CWC27: variants seen among roughly 807,000 people sequenced by gnomAD.
The protein encoded by CWC27 is CWC27 spliceosome associated cyclophilin.
CWC27 carries 47 observed loss-of-function variants against 63.6 expected under a neutral mutation model. The observed-to-expected ratio is 0.74, with a 90% CI of 0.58 to 0.94. CWC27 has a LOEUF of 0.94. Among genes scored for constraint, CWC27 ranks in the 40% least tolerant of loss-of-function variants. The pLI is 0.00. For missense variants in CWC27, 495 were observed against 554.3 expected (o/e 0.89, Z 1.07); for synonymous variants, 175 against 179.8 (o/e 0.97, Z 0.22).
At chr5:64,864,303 A>G (rs185504040) in intron 10 of CWC27, among the ~76,000 whole-genome samples, 32 of 152,282 alleles carry the variant, frequency 2.1e-4, no homozygotes, top group Admixed American at 1.9e-3. Flanking sequence ...ATATTTCAAG[A>G]TTTAGAGTCC....
chr5:64,793,076 CT>C (rs1205058231), intron 7 of CWC27, among the ~76,000 whole-genome samples: 3 of 152,084 alleles, frequency 2.0e-5, no homozygotes. Context: ...TATGTAGAAT[CT>C]TATGCCCTTA....
chr5:64,769,278 G>A, intron 1 of CWC27, 90 bp downstream of exon 1: 3 of 1,146,562 alleles, frequency 2.6e-6, no homozygotes, highest in South Asian at 1.2e-5. Context: ...TCAGGATCTC[G>A]TGGTAGGAAG....
At position 64,880,854 on chromosome 5, in the gene CWC27, AT is replaced by A. The variant is rs35152901; in HGVS notation, c.939-4569del. ...GAGTTAGTAACAGTTTATAAAAGCC[AT>A]TTTTTTTTTTTTTTTTTTTACCATT... On this transcript the variant is annotated intron_variant, in intron 10 of 13. Transcript: ENST00000381070. 3.2e-3 allele frequency among the ~76,000 whole-genome samples: 435 copies of A among 136,008 alleles called. 1 individual carries two copies. The highest frequency in any genetic ancestry group is 5.5e-3 in the African/African-American group (205 of 37,002). 89.2% of individuals were successfully genotyped at this position (136,008 alleles called of 152,430 possible).
At chr5:64,922,904 C>T (rs1447674936) in intron 11 of CWC27, among the ~76,000 whole-genome samples, 1 of 152,212 alleles carries the variant, frequency 6.6e-6, no homozygotes, top group Non-Finnish European at 1.5e-5. Flanking sequence ...CAGCTTCACA[C>T]TCCTGGGCTG....
intron 1 of CWC27, among the ~76,000 whole-genome samples, chr5:64,769,932 A>G (rs938103937): frequency 1.6e-4 from 24 of 152,224 alleles, no homozygotes; most frequent in African/African-American, 5.3e-4. Context: ...ATGCTGTACA[A>G]GGCAGAAGAG....
rs111467759 is a variant in CWC27, at chr5:64,787,029, G to A, written c.599+402G>A. Among the ~76,000 whole-genome samples the A allele has an allele frequency of 1.3e-3, 193 of 152,236 alleles. 1 individual carries two copies. The highest frequency in any genetic ancestry group is 4.5e-3 in the African/African-American group (188 of 41,550). On this transcript the variant is annotated intron_variant, in intron 6 of 13. Coordinates refer to ENST00000381070, the MANE Select transcript of CWC27 (RefSeq NM_005869.4). ...CAGCAGGGGAGAGAGCGAGTGGGAA[G>A]GAGGAACTGTCAAACACTTATAAAA... is the stretch of plus-strand genomic sequence containing the variant.
chr5:64,805,457 C>T (rs534877084), intron 10 of CWC27, among the ~76,000 whole-genome samples: 5 of 151,846 alleles, frequency 3.3e-5, no homozygotes, highest in African/African-American at 1.2e-4. Context: ...AAAAACCTCT[C>T]ATTCACACTG....
chr5:64,887,349 A>G lies in CWC27; in HGVS notation c.1042+1803A>G, dbSNP rs114305158. Among the ~76,000 whole-genome samples, 1,303 of 151,776 alleles carry G rather than the reference A, an allele frequency of 8.6e-3. 17 individuals carry two copies. Among genetic ancestry groups the G allele is most frequent in the Middle Eastern group, 0.031 (9 of 294 alleles). ...AAGATTCTTAACAGAGCTCATTTCA[A>G]TCTGCTTTTATTTATTTATTTATTT... On this transcript the variant is annotated intron_variant, in intron 11 of 13. Coordinates refer to ENST00000381070, the MANE Select transcript of CWC27 (RefSeq NM_005869.4).
At chr5:64,925,916 T>C (rs1748101940) in intron 11 of CWC27, among the ~76,000 whole-genome samples, 2 of 152,200 alleles carry the variant, frequency 1.3e-5, no homozygotes, top group African/African-American at 2.4e-5. Flanking sequence ...TTTTTGCTTA[T>C]GGGATTTTTG....
chr5:64,798,187 T>G (rs912033665), intron 7 of CWC27, among the ~76,000 whole-genome samples: 2 of 152,178 alleles, frequency 1.3e-5, no homozygotes, highest in Admixed American at 1.3e-4. Flanking sequence ...ATAATCTCAT[T>G]TAATTCTCTT....
chr5:65,001,451 A>G (rs917264937), intron 13 of CWC27, among the ~76,000 whole-genome samples: 1 of 152,038 alleles, frequency 6.6e-6, no homozygotes, highest in African/African-American at 2.4e-5. Flanking sequence ...GTCAGCTGTG[A>G]GCTTGTCACA....
intron 11 of CWC27, among the ~76,000 whole-genome samples, chr5:64,965,899 T>C (rs1386028791): frequency 6.6e-6 from 1 of 152,208 alleles, no homozygotes; most frequent in Admixed American, 6.5e-5. Flanking sequence ...GAATGACTAA[T>C]GCTACAATAT....
chr5:64,931,796 C>A (rs1267871472), intron 11 of CWC27, among the ~76,000 whole-genome samples: 1 of 151,936 alleles, frequency 6.6e-6, no homozygotes, highest in Non-Finnish European at 1.5e-5. Context: ...TCCAATTACA[C>A]CTTGTTTTTT....
intron 11 of CWC27, among the ~76,000 whole-genome samples, chr5:64,964,809 A>G (rs913350589): frequency 1.3e-5 from 2 of 152,204 alleles, no homozygotes; most frequent in Non-Finnish European, 2.9e-5. Flanking sequence ...GTGTAATTCA[A>G]TTGTTTCTCA....
intron 11 of CWC27, among the ~76,000 whole-genome samples, chr5:64,924,227 G>A (rs1748059142): frequency 6.6e-6 from 1 of 152,078 alleles, no homozygotes; most frequent in African/African-American, 2.4e-5. Context: ...TGAACTCTCT[G>A]AACCTATTTC....
intron 9 of CWC27, among the ~76,000 whole-genome samples, chr5:64,803,215 A>T (rs1329381111): frequency 6.6e-6 from 1 of 152,162 alleles, no homozygotes; most frequent in African/African-American, 2.4e-5. Flanking sequence ...TCAAATTAAG[A>T]ATCCTGCTTC....
chr5:64,771,925 T>G (rs2042329), intron 1 of CWC27, among the ~76,000 whole-genome samples: 87,603 of 152,016 alleles, frequency 0.58, 26,105 homozygotes, highest in East Asian at 0.9. Context: ...AAGTTGCCTG[T>G]GGCCAAAAAA....
intron 10 of CWC27, among the ~76,000 whole-genome samples, chr5:64,857,273 G>A (rs1468315262): frequency 6.6e-6 from 1 of 152,146 alleles, no homozygotes. Flanking sequence ...CTGTCTAAAA[G>A]AAGACAAAGA....
intron 13 of CWC27, among the ~76,000 whole-genome samples, chr5:64,987,876 C>G (rs1445857935): frequency 6.6e-6 from 1 of 152,054 alleles, no homozygotes; most frequent in Admixed American, 6.6e-5. Flanking sequence ...TTTGTTCTTG[C>G]AAGTTTGATT....
Sources: gnomAD v4.1 joint callset for allele counts (sites outside exome capture counted in the v4.1 genomes callset) on GRCh38, gnomAD v4.1.1 for gene constraint, MANE v1.5 for transcripts, NCBI Gene and HGNC (gene_info 2026-07-23, HGNC 2026-07-21) for gene names.